ZC2HC1B: variants seen among roughly 807,000 people sequenced by gnomAD.
The protein encoded by ZC2HC1B is zinc finger C2HC-type containing 1B, also known as zinc finger C2HC domain-containing protein 1B.
Under a neutral mutation model 31.0 loss-of-function variants are expected in ZC2HC1B, and 36 were observed. The ratio of observed to expected loss-of-function variants is 1.16; its 90% CI spans 0.89 to 1.54. The LOEUF (loss-of-function observed/expected upper bound fraction) is 1.54. ZC2HC1B is among the 40% of genes most tolerant of loss of function. The probability of loss-of-function intolerance (pLI) is 0.00; values close to 1 mark genes in which losing one functional copy is unlikely to be tolerated. For missense variants in ZC2HC1B, 260 were observed against 268.6 expected (o/e 0.97, Z 0.22); for synonymous variants, 73 against 88.0 (o/e 0.83, Z 0.95).
At chr6:143,897,692 AGTT>A (rs949154089) in intron 4 of ZC2HC1B, among the ~76,000 whole-genome samples, 5 of 151,774 alleles carry the variant, frequency 3.3e-5, no homozygotes, top group Admixed American at 2.0e-4. Context: ...CTCACTTAGT[AGTT>A]AAGTGAAAAA....
intron 5 of ZC2HC1B, among the ~76,000 whole-genome samples, chr6:143,900,383 T>C (rs996621388): frequency 1.1e-3 from 110 of 101,342 alleles, no homozygotes; most frequent in African/African-American, 3.9e-3. Context: ...AGAGCAAAAC[T>C]CCGTCTCAAA....
rs774889712 is a variant in ZC2HC1B, at chr6:143,872,516, A to G, written c.28+7949A>G. On this transcript the variant is annotated intron_variant, in intron 1 of 7. Transcript: ENST00000237275. This position sits in a 1 kb window ranked among gnomAD's most constrained non-coding sequence, Gnocchi z 5.5. Reference sequence around the variant, plus strand: ...TGGCCCCTGCCACCTCGGGATCCAAATATTCCCACTATATTTATTTTTTAT... The same window carrying G: ...TGGCCCCTGCCACCTCGGGATCCAAGTATTCCCACTATATTTATTTTTTAT... 6.6e-6 allele frequency among the ~76,000 whole-genome samples: 1 copy of G among 152,122 alleles called. No individual in the cohort carries two copies. Among genetic ancestry groups the G allele is most frequent in the African/African-American group, 2.4e-5 (1 of 41,412 alleles).
At chr6:143,904,353 A>G (rs902429514) in intron 6 of ZC2HC1B, among the ~76,000 whole-genome samples, 1 of 151,664 alleles carries the variant, frequency 6.6e-6, no homozygotes, top group African/African-American at 2.4e-5. Flanking sequence ...CTCTGTTGAT[A>G]TTCTTTTTTG....
rs1311672195 is a variant in ZC2HC1B, at chr6:143,911,458, G to A, written c.598+8306G>A. The stretch of plus-strand genomic sequence containing the variant: ...TCCTTCAGGAGCTCTTGCAAGGCAG[G>A]TCTGGTGGTAACAAATTCCCTCATC... On this transcript the variant is annotated intron_variant, in intron 6 of 7. Coordinates refer to ENST00000237275, the MANE Select transcript of ZC2HC1B (RefSeq NM_001013623.3). The surrounding 1 kb of genome is among the most constrained non-coding windows in gnomAD (Gnocchi z 4.5). Among the ~76,000 whole-genome samples, 3 of 152,286 alleles carry A rather than the reference G, an allele frequency of 2.0e-5. No individual in the cohort carries two copies. The East Asian group carries it at 5.8e-4, about 29-fold the overall frequency.
intron 6 of ZC2HC1B, among the ~76,000 whole-genome samples, chr6:143,929,498 A>T (rs111638254): frequency 0.024 from 3,621 of 152,086 alleles, 113 homozygotes; most frequent in African/African-American, 0.068. Context: ...TTGTTAAGGA[A>T]TTTTGCACCT....
rs191053840 is a variant in ZC2HC1B, at chr6:143,885,667, A to G, written c.91-365A>G. Among the ~76,000 whole-genome samples the G allele has an allele frequency of 1.5e-4, 23 of 152,330 alleles. No homozygotes were observed. Among genetic ancestry groups the G allele is most frequent in the Admixed American group, 4.6e-4 (7 of 15,298 alleles). On this transcript the variant is annotated intron_variant, in intron 2 of 7. Coordinates refer to ENST00000237275, the MANE Select transcript of ZC2HC1B (RefSeq NM_001013623.3). This position sits in a 1 kb window ranked among gnomAD's most constrained non-coding sequence, Gnocchi z 4.2. ...CAGTAGCACATTTTATACAGGTGGT[A>G]CACAGGGAAAGCTCTGCATGTTAGC...
At position 143,869,290 on chromosome 6, in the gene ZC2HC1B, C is replaced by T. The variant is rs1179352981; in HGVS notation, c.28+4723C>T. On this transcript the variant is annotated intron_variant, in intron 1 of 7. Coordinates refer to ENST00000237275, the MANE Select transcript of ZC2HC1B (RefSeq NM_001013623.3). The surrounding 1 kb of genome is among the most constrained non-coding windows in gnomAD (Gnocchi z 5.2). ...TTACCTCTGTTGTGGAGTAGTAGAG[C>T]ATACACGATCTTCTGGAGAACTTTA... Among the ~76,000 whole-genome samples, 1 of 152,158 alleles carries T rather than the reference C, an allele frequency of 6.6e-6. No individual in the cohort carries two copies. The highest frequency in any genetic ancestry group is 1.5e-5 in the Non-Finnish European group (1 of 68,026).
intron 6 of ZC2HC1B, among the ~76,000 whole-genome samples, chr6:143,919,217 C>CTCTGTGTGTG (rs1176724266): frequency 2.8e-4 from 34 of 123,596 alleles, no homozygotes; most frequent in African/African-American, 8.8e-4. Flanking sequence ...TTGCTATTCT[C>CTCTGTGTGTG]TGTGTGTGTG....
chr6:143,890,950 A>T (rs1777593840), intron 4 of ZC2HC1B, among the ~76,000 whole-genome samples: 1 of 151,716 alleles, frequency 6.6e-6, no homozygotes, highest in Non-Finnish European at 1.5e-5. Context: ...CAAGATGGTG[A>T]AACCCCGTCT....
rs1257280536 is a variant in ZC2HC1B at position 143,878,495 on chromosome 6, G to A, written c.29-5809G>A. 1.3e-5 allele frequency among the ~76,000 whole-genome samples: 2 copies of A among 150,262 alleles called. 1 individual carries two copies. The highest frequency in any genetic ancestry group is 4.9e-5 in the African/African-American group (2 of 40,656). ...CTTGTCTCAAAGGCGGAAGGGGAGG[G>A]GAAAGGCTGCCTAGAACATTGCTGA... On this transcript the variant is annotated intron_variant, in intron 1 of 7. Coordinates refer to ENST00000237275, the MANE Select transcript of ZC2HC1B (RefSeq NM_001013623.3).
chr6:143,878,075 C>T lies in ZC2HC1B; in HGVS notation c.29-6229C>T, dbSNP rs114293174. On this transcript the variant is annotated intron_variant, in intron 1 of 7. Transcript: ENST00000237275. ...GATTCCCTGTTTGCAAATTTACCTA[C>T]TTGCTAAAACTTACTTGTAACCCTA... Among the ~76,000 whole-genome samples, 1,175 of 150,960 alleles carry T rather than the reference C, an allele frequency of 7.8e-3. 66 individuals carry two copies. The highest frequency in any genetic ancestry group is 0.028 in the African/African-American group (1,128 of 41,006).
In ZC2HC1B at chr6:143,917,862, G is replaced by A. The variant is rs887334579; in HGVS notation, c.598+14710G>A. ...AATTATGTATAAAACAAAACGTGGA[G>A]TTACAAACCAGTTACAGTACTAGTT... On this transcript the variant is annotated intron_variant, in intron 6 of 7. Coordinates refer to ENST00000237275, the MANE Select transcript of ZC2HC1B (RefSeq NM_001013623.3). The surrounding 1 kb of genome is among the most constrained non-coding windows in gnomAD (Gnocchi z 4.1). Among the ~76,000 whole-genome samples, 13 of 152,278 alleles carry A rather than the reference G, an allele frequency of 8.5e-5. No homozygotes were observed. The highest frequency in any genetic ancestry group is 2.0e-4 in the Admixed American group (3 of 15,300).
intron 5 of ZC2HC1B, among the ~76,000 whole-genome samples, chr6:143,902,672 CAA>C (rs1777750251): frequency 6.6e-6 from 1 of 151,962 alleles, no homozygotes; most frequent in Non-Finnish European, 1.5e-5. Context: ...TTAAAAAAAA[CAA>C]AATAGTCTTC....
rs891655121 is a variant in ZC2HC1B at position 143,872,885 on chromosome 6, G to A, written c.28+8318G>A. On this transcript the variant is annotated intron_variant, in intron 1 of 7. Coordinates refer to ENST00000237275, the MANE Select transcript of ZC2HC1B (RefSeq NM_001013623.3). The surrounding 1 kb of genome is among the most constrained non-coding windows in gnomAD (Gnocchi z 5.5). ...AAATTCAAGTGGAGATTTGGGTAGG[G>A]ACACAACCAAACCATATCATTCTGC... 4.6e-5 allele frequency among the ~76,000 whole-genome samples: 7 copies of A among 152,078 alleles called. No homozygotes were observed. The highest frequency in any genetic ancestry group is 1.0e-4 in the Non-Finnish European group (7 of 68,016).
intron 7 of ZC2HC1B, among the ~76,000 whole-genome samples, 184 bp downstream of exon 7, chr6:143,937,917 TTGATTCATGACTTAATAGGAAAGGGGAA>T (rs1778197197): frequency 6.6e-6 from 1 of 152,234 alleles, no homozygotes; most frequent in Non-Finnish European, 1.5e-5. Flanking sequence ...TATTCAGTTT[TTGATTCATGACTTAATAGGAAAGGGGAA>T]TGATCCCTCA....
At chr6:143,888,305 T>C (rs1305341049) in intron 4 of ZC2HC1B, among the ~76,000 whole-genome samples, 1 of 152,100 alleles carries the variant, frequency 6.6e-6, no homozygotes, top group Non-Finnish European at 1.5e-5. Context: ...AATACTGTAG[T>C]ATTCTAGTAA....
chr6:143,912,215 C>T (rs546796025), intron 6 of ZC2HC1B, among the ~76,000 whole-genome samples: 5 of 152,270 alleles, frequency 3.3e-5, no homozygotes, highest in African/African-American at 9.6e-5. Flanking sequence ...ACAACATGCT[C>T]TTTTATCTCA....
In ZC2HC1B at chr6:143,911,862, T is replaced by G. The variant is rs533257600; in HGVS notation, c.598+8710T>G. Among the ~76,000 whole-genome samples, 1 of 152,358 alleles carries G rather than the reference T, an allele frequency of 6.6e-6. No homozygotes were observed. The highest frequency in any genetic ancestry group is 1.9e-4 in the East Asian group (1 of 5,188). ...CTGGATTATATCCTAAAGTGTGTTTTCCAACTTGGTTCCATTCTCTCTGTC... is the reference window on the plus strand; with the variant it reads ...CTGGATTATATCCTAAAGTGTGTTTGCCAACTTGGTTCCATTCTCTCTGTC... On this transcript the variant is annotated intron_variant, in intron 6 of 7. Coordinates refer to ENST00000237275, the MANE Select transcript of ZC2HC1B (RefSeq NM_001013623.3). The surrounding 1 kb of genome is among the most constrained non-coding windows in gnomAD (Gnocchi z 4.5).
chr6:143,875,038 G>A lies in ZC2HC1B; in HGVS notation c.29-9266G>A, dbSNP rs187267398. Among the ~76,000 whole-genome samples, 42 of 152,058 alleles carry A rather than the reference G, an allele frequency of 2.8e-4. 1 individual carries two copies. The East Asian group carries it at 7.7e-3, about 28-fold the overall frequency. ...AGTAGAGACAGGGTTTCATCATATTGGCCAGGGTGGTCTCGAACTCCTGAC... is the reference window on the plus strand; with the variant it reads ...AGTAGAGACAGGGTTTCATCATATTAGCCAGGGTGGTCTCGAACTCCTGAC... On this transcript the variant is annotated intron_variant, in intron 1 of 7. Coordinates refer to ENST00000237275, the MANE Select transcript of ZC2HC1B (RefSeq NM_001013623.3).
Sources: allele counts gnomAD v4.1 joint callset (sites outside exome capture counted in the v4.1 genomes callset), GRCh38; gene constraint gnomAD v4.1.1; non-coding constraint Gnocchi (gnomAD v3.1); transcripts MANE v1.5; gene names NCBI Gene and HGNC (gene_info 2026-07-23, HGNC 2026-07-21).